HSD17B12: variants seen among roughly 807,000 people sequenced by gnomAD.
The protein encoded by HSD17B12 is hydroxysteroid 17-beta dehydrogenase 12, also known as very-long-chain 3-oxoacyl-CoA reductase.
In HSD17B12, 32 loss-of-function variants were observed where a neutral mutation model predicts 39.3. That is an observed-to-expected ratio of 0.81 (90% CI 0.61 to 1.09). The LOEUF (loss-of-function observed/expected upper bound fraction) is 1.09, where lower values mean the gene tolerates loss of function less well. HSD17B12 is among the 50% of genes least tolerant of loss of function. The pLI is 0.00. For missense variants in HSD17B12, 342 were observed against 382.9 expected (o/e 0.89, Z 0.89); for synonymous variants, 150 against 146.7 (o/e 1.02, Z -0.16).
the HSD17B12 span, among the ~76,000 whole-genome samples, chr11:43,666,512 G>T: frequency 6.6e-6 from 1 of 151,988 alleles, no homozygotes; most frequent in Non-Finnish European, 1.5e-5. Flanking sequence ...GCCATTTTTT[G>T]TTTGTTTGTT....
the HSD17B12 span, among the ~76,000 whole-genome samples, chr11:43,632,405 A>G: frequency 7.2e-5 from 11 of 152,230 alleles, no homozygotes; most frequent in African/African-American, 1.9e-4. Context: ...AGGATGGCAC[A>G]GCATGGAACT....
chr11:43,734,497 C>T (rs1950298715), intron 1 of HSD17B12: 1 of 618,552 alleles, frequency 1.6e-6, no homozygotes, highest in East Asian at 3.5e-5. Context: ...ACATTGCATA[C>T]CAGCTCTCGC....
At chr11:43,719,514 G>A (rs918412612) in intron 1 of HSD17B12, among the ~76,000 whole-genome samples, 1 of 151,928 alleles carries the variant, frequency 6.6e-6, no homozygotes, top group South Asian at 2.1e-4. Context: ...GTATGGGTTG[G>A]CTGGCTTTCA....
intron 1 of HSD17B12, among the ~76,000 whole-genome samples, chr11:43,682,907 T>G (rs1011332712): frequency 6.6e-6 from 1 of 151,942 alleles, no homozygotes; most frequent in African/African-American, 2.4e-5. Context: ...TCCTCCCATG[T>G]GAGCCTCCTG....
chr11:43,597,218 G>C, the HSD17B12 span, among the ~76,000 whole-genome samples: 1 of 152,202 alleles, frequency 6.6e-6, no homozygotes, highest in Non-Finnish European at 1.5e-5. Context: ...AGGAGCATGT[G>C]AACCATGCCT....
At chr11:43,586,470 C>T in the HSD17B12 span, among the ~76,000 whole-genome samples, 1 of 152,208 alleles carries the variant, frequency 6.6e-6, no homozygotes, top group East Asian at 1.9e-4. Flanking sequence ...TTATTTCTCT[C>T]CTCTGGGTGG....
At chr11:43,627,815 A>C in the HSD17B12 span, among the ~76,000 whole-genome samples, 1 of 151,174 alleles carries the variant, frequency 6.6e-6, no homozygotes, top group African/African-American at 2.4e-5. Context: ...ATGTTTGAAA[A>C]CTCTCAATAT....
chr11:43,655,243 G>A, the HSD17B12 span, among the ~76,000 whole-genome samples: 1 of 152,038 alleles, frequency 6.6e-6, no homozygotes, highest in Non-Finnish European at 1.5e-5. Flanking sequence ...TGTGATTTTT[G>A]CACATTGATT....
chr11:43,769,255 C>T (rs976733568), intron 3 of HSD17B12, among the ~76,000 whole-genome samples: 3 of 152,086 alleles, frequency 2.0e-5, no homozygotes, highest in South Asian at 4.1e-4. Context: ...ATATGCTGGC[C>T]CCTACTGTGT....
intron 1 of HSD17B12, among the ~76,000 whole-genome samples, chr11:43,709,958 G>T (rs1306677837): frequency 6.6e-6 from 1 of 152,168 alleles, no homozygotes; most frequent in African/African-American, 2.4e-5. Context: ...TCTGGGCTGG[G>T]GAATGGAGCC....
At chr11:43,777,004 T>C (rs1411222076) in intron 3 of HSD17B12, among the ~76,000 whole-genome samples, 6 of 152,244 alleles carry the variant, frequency 3.9e-5, no homozygotes, top group Non-Finnish European at 7.3e-5. Flanking sequence ...TTTTGATTAC[T>C]GTAGCGTTGT....
At chr11:43,784,240 A>G (rs991560740) in intron 3 of HSD17B12, among the ~76,000 whole-genome samples, 9 of 151,844 alleles carry the variant, frequency 5.9e-5, no homozygotes, top group African/African-American at 2.2e-4. Flanking sequence ...AAGTTTTGCA[A>G]TGCTTTTTCA....
At chr11:43,757,650 A>ACAAAC (rs1950519889) in intron 3 of HSD17B12, among the ~76,000 whole-genome samples, 1 of 141,776 alleles carries the variant, frequency 7.1e-6, no homozygotes, top group African/African-American at 2.6e-5. Flanking sequence ...AAAAAAAAAA[A>ACAAAC]AAAAAAAAAA....
chr11:43,841,780 CGTCTGGT>C (rs1390148160), intron 9 of HSD17B12, among the ~76,000 whole-genome samples: 1 of 152,134 alleles, frequency 6.6e-6, no homozygotes, highest in Non-Finnish European at 1.5e-5. Context: ...CCTCTGTGCA[CGTCTGGT>C]GTTCATTGTG....
At position 43,723,240 on chromosome 11, in the gene HSD17B12, A is replaced by G. The variant is rs570979290; in HGVS notation, c.161-27671A>G. Among the ~76,000 whole-genome samples, 9 of 152,296 alleles carry G rather than the reference A, an allele frequency of 5.9e-5. No homozygotes were observed. The South Asian group carries it at 6.2e-4, about 11-fold the overall frequency. On this transcript the variant is annotated intron_variant, in intron 1 of 10. Transcript: ENST00000278353. ...CATAAGGCAAGATTGAATAAGGTGA[A>G]TGGATTTGATGAATTAAAGTGCTAC...
At chr11:43,788,685 C>CAAAAA (rs57970272) in intron 3 of HSD17B12, among the ~76,000 whole-genome samples, 9 of 100,898 alleles carry the variant, frequency 8.9e-5, no homozygotes, top group African/African-American at 1.2e-4. Context: ...TTTCCTTCCT[C>CAAAAA]AAAAAAAAAA....
chr11:43,609,189 C>A, the HSD17B12 span, among the ~76,000 whole-genome samples: 2 of 151,874 alleles, frequency 1.3e-5, no homozygotes, highest in Non-Finnish European at 2.9e-5. Context: ...ATCTGCCCAC[C>A]TCGGCCTCCC....
chr11:43,847,883 A>G (rs951292284), intron 9 of HSD17B12, among the ~76,000 whole-genome samples: 1 of 152,186 alleles, frequency 6.6e-6, no homozygotes, highest in Non-Finnish European at 1.5e-5. Flanking sequence ...TTTAGAAAAC[A>G]AATAGGACAA....
chr11:43,823,159 G>C (rs1035163179), intron 6 of HSD17B12, among the ~76,000 whole-genome samples: 1 of 152,034 alleles, frequency 6.6e-6, no homozygotes, highest in Non-Finnish European at 1.5e-5. Context: ...TTCTTATTAA[G>C]GGTGGGTGTG....
Sources: gnomAD v4.1 joint callset for allele counts (sites outside exome capture counted in the v4.1 genomes callset) on GRCh38, gnomAD v4.1.1 for gene constraint, MANE v1.5 for transcripts, NCBI Gene and HGNC (gene_info 2026-07-23, HGNC 2026-07-21) for gene names.